The following RBFOX1 variants were observed in gnomAD, a reference collection of about 807,000 sequenced individuals.
RBFOX1 encodes the protein RNA binding fox-1 homolog 1.
RBFOX1 carries 8 observed loss-of-function variants against 57.7 expected under a neutral mutation model. That is an observed-to-expected ratio of 0.14 (90% CI 0.08 to 0.25). The LOEUF is 0.25. Among genes scored for constraint, RBFOX1 ranks in the 10% least tolerant of loss-of-function variants. RBFOX1 has a pLI of 1.00. For synonymous variants in RBFOX1, 326 were observed against 222.4 expected, an observed-to-expected ratio of 1.47 and a Z score of -4.15; for missense variants, 611 against 548.5, an observed-to-expected ratio of 1.11 and a Z score of -1.14.
At chr16:7,153,553 G>A (rs1475050841) in intron 4 of RBFOX1, among the ~76,000 whole-genome samples, 3 of 151,520 alleles carry the variant, frequency 2.0e-5, no homozygotes, top group African/African-American at 7.3e-5. Flanking sequence ...TGGCCAAATA[G>A]TGAAACCCCA....
intron 5 of RBFOX1, among the ~76,000 whole-genome samples, chr16:7,521,305 G>C (rs1418156923): frequency 6.6e-6 from 1 of 152,178 alleles, no homozygotes; most frequent in Non-Finnish European, 1.5e-5. Flanking sequence ...GGAATTAGCA[G>C]GGATTTGACA....
chr16:7,101,803 C>G lies in RBFOX1; in HGVS notation c.27+49705C>G, dbSNP rs571232798. On this transcript the variant is annotated intron_variant, in intron 4 of 15. Transcript: ENST00000550418. ...TTTTAATGTTAGAATGTGGCAAATG[C>G]TCAGTAATCACTGAGCTAGGGATTT... Among the ~76,000 whole-genome samples the G allele has an allele frequency of 1.4e-4, 21 of 152,232 alleles. No individual in the cohort carries two copies. The Middle Eastern group carries it at 0.02, about 148-fold the overall frequency.
chr16:7,586,809 T>A (rs1316893702), intron 6 of RBFOX1, among the ~76,000 whole-genome samples: 1 of 152,232 alleles, frequency 6.6e-6, no homozygotes, highest in East Asian at 1.9e-4. Context: ...TCCTAGATTT[T>A]ATGTGAGCTA....
intron 3 of RBFOX1, among the ~76,000 whole-genome samples, chr16:5,768,875 T>A (rs191179015): frequency 6.6e-6 from 1 of 152,078 alleles, no homozygotes; most frequent in East Asian, 1.9e-4. Context: ...GTTTTTTGTT[T>A]GTTTGTTTGT....
At chr16:7,632,220 C>G (rs1343592980) in intron 11 of RBFOX1, among the ~76,000 whole-genome samples, 2 of 152,182 alleles carry the variant, frequency 1.3e-5, no homozygotes, top group Non-Finnish European at 2.9e-5. Flanking sequence ...AGACTATAAT[C>G]TTTAATGGCA....
intron 3 of RBFOX1, among the ~76,000 whole-genome samples, chr16:6,841,528 AC>A (rs1488022152): frequency 3.9e-5 from 6 of 152,020 alleles, no homozygotes; most frequent in African/African-American, 1.2e-4. Flanking sequence ...GAACAACCTA[AC>A]CTCACGCTAA....
chr16:6,576,070 C>T (rs1411326510), intron 2 of RBFOX1, among the ~76,000 whole-genome samples: 3 of 152,112 alleles, frequency 2.0e-5, no homozygotes, highest in Non-Finnish European at 4.4e-5. Flanking sequence ...ATGGCAGGCT[C>T]ACTGGGCACC....
At chr16:7,479,863 A>G (rs2063523790) in intron 4 of RBFOX1, among the ~76,000 whole-genome samples, 3 of 152,218 alleles carry the variant, frequency 2.0e-5, no homozygotes, top group Non-Finnish European at 4.4e-5. Context: ...TGTTTTAATA[A>G]TAGACATTTT....
At chr16:6,826,192 T>G (rs1304487131) in intron 3 of RBFOX1, among the ~76,000 whole-genome samples, 2 of 152,062 alleles carry the variant, frequency 1.3e-5, no homozygotes, top group African/African-American at 2.4e-5. Context: ...GTAGGTTGTA[T>G]GTATTGAGTC....
At chr16:7,024,088 G>C (rs951781081) in intron 3 of RBFOX1, among the ~76,000 whole-genome samples, 4 of 152,048 alleles carry the variant, frequency 2.6e-5, no homozygotes, top group African/African-American at 9.7e-5. Context: ...GGTGTGGCTT[G>C]GCTTACTAAG....
intron 1 of RBFOX1, among the ~76,000 whole-genome samples, chr16:6,129,751 A>AG (rs900106853): frequency 5.9e-5 from 9 of 151,894 alleles, no homozygotes; most frequent in African/African-American, 2.2e-4. Flanking sequence ...ATTGACGAAA[A>AG]AAAAAAACCA....
chr16:7,341,486 C>T (rs184639059), intron 4 of RBFOX1, among the ~76,000 whole-genome samples: 20 of 152,218 alleles, frequency 1.3e-4, no homozygotes, highest in Middle Eastern at 3.4e-3. Flanking sequence ...CCATGCCATT[C>T]GCAGTAGAGT....
chr16:5,384,168 C>G (rs34818527), intron 1 of RBFOX1, among the ~76,000 whole-genome samples: 71,301 of 152,004 alleles, frequency 0.47, 17,198 homozygotes, highest in Non-Finnish European at 0.52. Flanking sequence ...TTCCTGCAGC[C>G]AAGGGTGGTG....
At chr16:5,826,363 G>C (rs564992192) in intron 3 of RBFOX1, among the ~76,000 whole-genome samples, 1 of 152,192 alleles carries the variant, frequency 6.6e-6, no homozygotes, top group South Asian at 2.1e-4. Flanking sequence ...TAGATGTCCA[G>C]CTGTTTTCAT....
chr16:7,554,838 G>C (rs1378439172), intron 5 of RBFOX1, among the ~76,000 whole-genome samples: 1 of 152,046 alleles, frequency 6.6e-6, no homozygotes. Context: ...AAGCTTATTA[G>C]TTCAGACAAT....
chr16:5,670,440 A>T (rs538748331), intron 3 of RBFOX1, among the ~76,000 whole-genome samples: 257 of 152,336 alleles, frequency 1.7e-3, no homozygotes, highest in Non-Finnish European at 1.4e-3. Flanking sequence ...TGCCATCAAG[A>T]TCAAAACCAA....
intron 4 of RBFOX1, among the ~76,000 whole-genome samples, chr16:7,400,820 C>A (rs1178589653): frequency 6.6e-6 from 1 of 152,180 alleles, no homozygotes; most frequent in Admixed American, 6.5e-5. Flanking sequence ...TCAGTGTCCA[C>A]AATGCTGTTG....
intron 1 of RBFOX1, among the ~76,000 whole-genome samples, chr16:5,433,832 A>T (rs1167825063): frequency 6.6e-6 from 1 of 152,116 alleles, no homozygotes; most frequent in African/African-American, 2.4e-5. Flanking sequence ...CAGCACAGTA[A>T]GCGCTCAATA....
rs34409151 is a variant in RBFOX1, at chr16:5,571,215, CTTTTT to C, written c.259-27668_259-27664del. ...TGGTAGTGAAGTGACCCATCTTTGA[CTTTTT>C]TTTTTTTTTTTTTTTTTTGAGATGG... On this transcript the variant is annotated intron_variant, in intron 2 of 2. Coordinates refer to the RBFOX1 transcript ENST00000585867. Among the ~76,000 whole-genome samples the C allele has an allele frequency of 1.6e-4, 13 of 79,814 alleles. No individual in the cohort carries two copies. In the South Asian group the frequency reaches 4.3e-3, roughly 26 times the overall value. The allele number at this position is 79,814 out of a possible 152,430, so 52.4% of individuals were successfully genotyped here. A position where few individuals can be genotyped will look rare whatever the true frequency, so the allele number is the denominator to read the frequency against.
Sources: allele counts gnomAD v4.1 joint callset (sites outside exome capture counted in the v4.1 genomes callset), GRCh38; gene constraint gnomAD v4.1.1; transcripts MANE v1.5; gene names NCBI Gene and HGNC (gene_info 2026-07-23, HGNC 2026-07-21).